The following GFM1 variants were observed in gnomAD, a reference collection of about 807,000 sequenced individuals.
The protein encoded by GFM1 is elongation factor G, mitochondrial.
Under a neutral mutation model 96.2 loss-of-function variants are expected in GFM1, and 62 were observed. That is an observed-to-expected ratio of 0.64 (90% CI 0.53 to 0.80). The LOEUF (loss-of-function observed/expected upper bound fraction) is 0.80. Ranked by LOEUF, GFM1 falls within the 30% of genes least tolerant of loss-of-function variation. The probability of loss-of-function intolerance (pLI) is 0.00; values close to 1 mark genes in which losing one functional copy is unlikely to be tolerated. For missense variants in GFM1, 852 were observed against 916.6 expected, an observed-to-expected ratio of 0.93 and a Z score of 0.91; for synonymous variants, 282 against 312.9, an observed-to-expected ratio of 0.90 and a Z score of 1.04.
rs200115076 is a variant in GFM1, at chr3:158,645,675, A to G, written c.128A>G (p.Asn43Ser). The G allele has an allele frequency of 8.7e-6, 14 of 1,612,720 alleles. No individual in the cohort carries two copies. The highest frequency in any genetic ancestry group is 1.1e-5 in the Non-Finnish European group (13 of 1,178,722). The part of the protein sequence containing the change: ...CRWSSSGVIP[N>S]EKIRNIGISA... The stretch of plus-strand genomic sequence containing the variant: ...TGGTCTTCATCAGGGGTGATTCCTA[A>G]TGAAAAAATACGAAATATTGGAATC... Residue 43 changes from asparagine (N) to serine (S), a missense_variant, in exon 2 of 18, where the codon AAT becomes AGT. Transcript: ENST00000486715.
chr3:158,654,160 CT>C (rs1722535906), intron 7 of GFM1, among the ~76,000 whole-genome samples: 1 of 141,200 alleles, frequency 7.1e-6, no homozygotes, highest in African/African-American at 2.6e-5. Flanking sequence ...TTTTAGTGTA[CT>C]TTTGTCCTAT....
At chr3:158,679,466 T>TA (rs34992879) in intron 13 of GFM1, among the ~76,000 whole-genome samples, 5,090 of 152,326 alleles carry the variant, frequency 0.033, 105 homozygotes, top group Non-Finnish European at 0.047. Flanking sequence ...TATTTATAAA[T>TA]ACAGTGTTTC....
chr3:158,644,739 A>G, intron 1 of GFM1, 24 bp downstream of exon 1: 1 of 1,547,228 alleles, frequency 6.5e-7, no homozygotes, highest in Middle Eastern at 1.7e-4. Context: ...GAGAGGCTAA[A>G]TCGGGACCAT....
Position 158,652,184 on chromosome 3 carries a change from T to G in GFM1, c.778T>G (p.Ser260Ala). The change falls in exon 6 of 18, where the codon TCA becomes GCA. Residue 260 changes from serine to alanine, a missense_variant. Physicochemically the swap from Ser to Ala is moderately conservative, Grantham distance 99 (BLOSUM62 1). Transcript: ENST00000486715. The part of the protein sequence containing the change: ...RQELIECVAN[S>A]DEQLGEMFLE... ...GGAGCTAATTGAATGTGTTGCCAAT[T>G]CAGATGAACAGCTTGGTGAGATGTT... 6.2e-7 allele frequency: 1 copy of G among 1,614,054 alleles called. No homozygotes were observed. Among genetic ancestry groups the G allele is most frequent in the Non-Finnish European group, 8.5e-7 (1 of 1,179,954 alleles).
rs978629190 is a variant in GFM1 at position 158,694,096 on chromosome 3, C to T, written c.*2629C>T. Among the ~76,000 whole-genome samples, 1 of 151,604 alleles carries T rather than the reference C, an allele frequency of 6.6e-6. No homozygotes were observed. Among genetic ancestry groups the T allele is most frequent in the Non-Finnish European group, 1.5e-5 (1 of 67,956 alleles). ...TACCATTACTATATACCCAAAGGAA[C>T]GTAAATCATTCTATTATAAAGACAC... On this transcript the variant is annotated 3_prime_UTR_variant, in exon 18 of 18. Coordinates refer to ENST00000486715, the MANE Select transcript of GFM1 (RefSeq NM_024996.7).
intron 14 of GFM1, among the ~76,000 whole-genome samples, chr3:158,682,959 C>T (rs985882586): frequency 1.3e-5 from 2 of 151,126 alleles, no homozygotes; most frequent in African/African-American, 4.9e-5. Context: ...TGCTTGAGCC[C>T]AGAAGATGGA....
At chr3:158,652,947 A>G (rs904665721) in intron 6 of GFM1, among the ~76,000 whole-genome samples, 3 of 152,020 alleles carry the variant, frequency 2.0e-5, no homozygotes, top group Non-Finnish European at 1.5e-5. Context: ...GGTTTTGCGT[A>G]TATATTACTT....
chr3:158,678,718 TGGTTGATAAAGCAGTGGCAAGGTTTGAAA>T (rs753277930), intron 13 of GFM1, among the ~76,000 whole-genome samples: 9 of 152,190 alleles, frequency 5.9e-5, no homozygotes, highest in Non-Finnish European at 1.3e-4. Flanking sequence ...GGGTAAAACC[TGGTTGATAAAGCAGTGGCAAGGTTTGAAA>T]GGATTGACTC....
Position 158,644,547 on chromosome 3 carries a change from C to G in GFM1, c.-88C>G. The G allele has an allele frequency of 9.6e-7, 1 of 1,047,040 alleles. No individual in the cohort carries two copies. 64.9% of individuals were successfully genotyped at this position (1,047,040 alleles called of 1,614,324 possible). A position where few individuals can be genotyped will look rare whatever the true frequency, so the allele number is the denominator to read the frequency against. ...GAAGTGCTCTTACAACATTGGCTGC[C>G]GGCGTGACTTTGACCGCTTCCCGGT... On this transcript the variant is annotated 5_prime_UTR_variant, in exon 1 of 18. Transcript: ENST00000486715.
chr3:158,645,608 G>A (rs1181974250), intron 1 of GFM1, 21 bp from the exon 2 acceptor site: 1 of 1,598,238 alleles, frequency 6.3e-7, no homozygotes, highest in Non-Finnish European at 8.6e-7. Context: ...GCATAGAATT[G>A]AGCTCTCGTA....
At chr3:158,650,662 T>C (rs1255663181) in intron 5 of GFM1, 1 of 152,370 alleles carries the variant, frequency 6.6e-6, no homozygotes, top group South Asian at 2.1e-4. Context: ...GCTTCTTTTG[T>C]CTTTATTAAA....
intron 13 of GFM1, among the ~76,000 whole-genome samples, chr3:158,673,604 T>TG (rs1470348968): frequency 3.4e-5 from 5 of 147,812 alleles, no homozygotes; most frequent in African/African-American, 1.3e-4. Flanking sequence ...GTCCGCCTCC[T>TG]GGGTTCAAGC....
chr3:158,681,966 C>T, intron 13 of GFM1, 29 bp from the exon 14 acceptor site: 1 of 1,529,826 alleles, frequency 6.5e-7, no homozygotes, highest in South Asian at 1.1e-5. Flanking sequence ...ACATAATGCT[C>T]CATTTTTTTT....
chr3:158,645,750 A>G lies in GFM1; in HGVS notation c.203A>G (p.Tyr68Cys). 6.2e-7 allele frequency: 1 copy of G among 1,612,924 alleles called. No individual in the cohort carries two copies. The highest frequency in any genetic ancestry group is 8.5e-7 in the Non-Finnish European group (1 of 1,178,848). The change falls in exon 2 of 18, where the codon TAC becomes TGC. Residue 68 changes from tyrosine to cysteine, a missense_variant. Tyr to Cys is a radical substitution (Grantham distance 194). Transcript: ENST00000486715. ...GKTTLTERVLYYTGRIAKMHE... is the reference protein window; with the variant it reads ...GKTTLTERVLCYTGRIAKMHE... ...ACTACATTAACAGAACGAGTCCTTT[A>G]CTACACTGGCAGAATTGCAAAGATG...
intron 7 of GFM1, 143 bp from the exon 8 acceptor site, chr3:158,654,404 T>C: frequency 1.7e-6 from 1 of 599,714 alleles, no homozygotes; most frequent in Non-Finnish European, 2.9e-6. Context: ...TTGATCTCTT[T>C]CAGTGAAATT....
chr3:158,660,789 T>C (rs1039063212), intron 9 of GFM1, 85 bp from the exon 10 acceptor site: 1 of 1,067,640 alleles, frequency 9.4e-7, no homozygotes, highest in Middle Eastern at 2.7e-4. Flanking sequence ...ATATACAATG[T>C]GTGTACTGTA....
rs1261924639 is a variant in GFM1 at position 158,672,735 on chromosome 3, C to G, written c.1601+6349C>G. ...ACTGCCTGCAGCGGGCTTCCTTACT[C>G]CGCCTGCTGGTTCCTACTGGAGGAG... On this transcript the variant is annotated intron_variant, in intron 13 of 17. Coordinates refer to ENST00000486715, the MANE Select transcript of GFM1 (RefSeq NM_024996.7). The G allele has an allele frequency of 1.0e-5, 4 of 385,856 alleles. No homozygotes were observed. In the Admixed American group the frequency reaches 1.5e-4, roughly 14 times the overall value. 23.9% of individuals were successfully genotyped at this position (385,856 alleles called of 1,614,324 possible). A position where few individuals can be genotyped will look rare whatever the true frequency, so the allele number is the denominator to read the frequency against.
chr3:158,670,892 C>G, intron 13 of GFM1: 1 of 1,396,736 alleles, frequency 7.2e-7, no homozygotes, highest in Non-Finnish European at 9.4e-7. Context: ...CATGTTCTGC[C>G]ACTGCACTTC....
At chr3:158,670,195 TTAAG>T (rs1331653107) in intron 13 of GFM1, among the ~76,000 whole-genome samples, 3 of 152,234 alleles carry the variant, frequency 2.0e-5, no homozygotes, top group Admixed American at 1.3e-4. Flanking sequence ...TTCCTTTCTT[TTAAG>T]TTTGTCTCAT....
Sources: allele counts gnomAD v4.1 joint callset (sites outside exome capture counted in the v4.1 genomes callset), GRCh38; gene constraint gnomAD v4.1.1; transcripts MANE v1.5; gene names NCBI Gene and HGNC (gene_info 2026-07-23, HGNC 2026-07-21).